CYP39A1: variants seen among roughly 807,000 people sequenced by gnomAD.
CYP39A1 encodes the protein 24-hydroxycholesterol 7-alpha-hydroxylase.
A neutral mutation model predicts 58.1 loss-of-function variants in CYP39A1; 49 were observed. The ratio of observed to expected loss-of-function variants is 0.84; its 90% CI spans 0.67 to 1.07. The LOEUF is 1.07. CYP39A1 is among the 50% of genes least tolerant of loss of function. The probability of loss-of-function intolerance (pLI) is 0.00; values close to 1 mark genes in which losing one functional copy is unlikely to be tolerated. For synonymous variants in CYP39A1, 209 were observed against 187.6 expected, an observed-to-expected ratio of 1.11 and a Z score of -0.93; for missense variants, 531 against 539.4, an observed-to-expected ratio of 0.98 and a Z score of 0.16.
chr6:46,598,718 T>A (rs989691556), intron 7 of CYP39A1, among the ~76,000 whole-genome samples: 66 of 152,168 alleles, frequency 4.3e-4, no homozygotes, highest in African/African-American at 1.6e-3. Flanking sequence ...TATAAGAAAT[T>A]TAAGTTTTGG....
At chr6:46,572,635 T>C (rs940428138) in intron 10 of CYP39A1, among the ~76,000 whole-genome samples, 1 of 152,220 alleles carries the variant, frequency 6.6e-6, no homozygotes, top group Non-Finnish European at 1.5e-5. Context: ...TAAGGTGTCA[T>C]GGTGAAGTTC....
intron 8 of CYP39A1, among the ~76,000 whole-genome samples, chr6:46,592,844 T>C (rs969101631): frequency 6.6e-6 from 1 of 152,064 alleles, no homozygotes; most frequent in Non-Finnish European, 1.5e-5. Context: ...TAATCTCAGC[T>C]ACTTGGGAGG....
chr6:46,641,345 C>T (rs1776324862), intron 2 of CYP39A1, among the ~76,000 whole-genome samples: 1 of 151,712 alleles, frequency 6.6e-6, no homozygotes, highest in Non-Finnish European at 1.5e-5. Context: ...ATCATGCATA[C>T]AAGAAGAAAA....
Position 46,652,637 on chromosome 6 carries a change from C to G in CYP39A1, c.-55G>C, listed in dbSNP as rs745442545. On this transcript the variant is annotated 5_prime_UTR_variant, in exon 1 of 12. Transcript: ENST00000275016. ...AAAGTGTGAAACAGTCCTGCCGTCC[C>G]TTGCTTCTTTTCTGTGGGCTACGGA... The G allele has an allele frequency of 1.4e-5, 20 of 1,479,380 alleles. No homozygotes were observed. Among genetic ancestry groups the G allele is most frequent in the Non-Finnish European group, 1.7e-5 (19 of 1,109,646 alleles). 91.6% of individuals were successfully genotyped at this position (1,479,380 alleles called of 1,614,324 possible).
intron 10 of CYP39A1, among the ~76,000 whole-genome samples, chr6:46,573,560 C>T (rs1363888190): frequency 1.3e-5 from 2 of 152,160 alleles, no homozygotes; most frequent in African/African-American, 4.8e-5. Flanking sequence ...CCAAAGGGAT[C>T]CTCTTGGTGC....
chr6:46,647,824 TG>T (rs1762421244), intron 1 of CYP39A1, among the ~76,000 whole-genome samples: 1 of 152,206 alleles, frequency 6.6e-6, no homozygotes, highest in Non-Finnish European at 1.5e-5. Flanking sequence ...TTGATGGGGT[TG>T]TTTTTTTCTT....
intron 6 of CYP39A1, among the ~76,000 whole-genome samples, chr6:46,626,173 C>T (rs992671283): frequency 1.3e-5 from 2 of 152,040 alleles, no homozygotes; most frequent in Admixed American, 6.6e-5. Context: ...GCCACTCAAA[C>T]TTATTTCATA....
intron 10 of CYP39A1, among the ~76,000 whole-genome samples, chr6:46,556,794 C>G (rs1400615447): frequency 6.6e-6 from 1 of 152,106 alleles, no homozygotes; most frequent in Non-Finnish European, 1.5e-5. Flanking sequence ...TACAACACAA[C>G]CCAGTATCCA....
At chr6:46,589,613 A>G (rs1772702030) in intron 8 of CYP39A1, among the ~76,000 whole-genome samples, 1 of 152,106 alleles carries the variant, frequency 6.6e-6, no homozygotes, top group Non-Finnish European at 1.5e-5. Context: ...GGAGAGACTC[A>G]AATCCAAGAC....
intron 10 of CYP39A1, among the ~76,000 whole-genome samples, chr6:46,557,933 C>CAAAAAAAAAAAAAAAAAAAA (rs1186594398): frequency 2.7e-5 from 1 of 37,638 alleles, no homozygotes; most frequent in African/African-American, 9.9e-5. Flanking sequence ...GACTCCATCT[C>CAAAAAAAAAAAAAAAAAAAA]AAAAAAAAAA....
chr6:46,652,665 C>T lies in CYP39A1; in HGVS notation c.-83G>A, dbSNP rs1232625590. The T allele has an allele frequency of 2.3e-6, 3 of 1,320,148 alleles. No individual in the cohort carries two copies. The African/African-American group carries it at 4.5e-5, about 20-fold the overall frequency. 81.8% of individuals were successfully genotyped at this position (1,320,148 alleles called of 1,614,324 possible). A position where few individuals can be genotyped will look rare whatever the true frequency, so the allele number is the denominator to read the frequency against. ...GCTTCTTTTCTGTGGGCTACGGAAC[C>T]TGTCGGGACTCCCAACCTTTCTGCT... On this transcript the variant is annotated 5_prime_UTR_variant, in exon 1 of 12. Coordinates refer to ENST00000275016, the MANE Select transcript of CYP39A1 (RefSeq NM_016593.5).
At chr6:46,568,315 T>C (rs1289075164) in intron 10 of CYP39A1, among the ~76,000 whole-genome samples, 7 of 152,136 alleles carry the variant, frequency 4.6e-5, no homozygotes, top group African/African-American at 1.7e-4. Flanking sequence ...TTATCAGATA[T>C]GTAATTTGCA....
intron 7 of CYP39A1, among the ~76,000 whole-genome samples, chr6:46,624,449 T>C (rs1299125839): frequency 6.6e-6 from 1 of 152,184 alleles, no homozygotes; most frequent in Non-Finnish European, 1.5e-5. Flanking sequence ...TGCTCACCAT[T>C]TCTATAAGGT....
intron 7 of CYP39A1, among the ~76,000 whole-genome samples, chr6:46,601,622 G>A (rs1337141936): frequency 6.6e-6 from 1 of 151,704 alleles, no homozygotes; most frequent in Non-Finnish European, 1.5e-5. Context: ...TACGTGTAAA[G>A]CGCTTACCAC....
intron 4 of CYP39A1, among the ~76,000 whole-genome samples, chr6:46,636,688 T>C (rs1156493582): frequency 6.6e-6 from 1 of 152,224 alleles, no homozygotes; most frequent in East Asian, 1.9e-4. Context: ...CATTTTAGTG[T>C]CTTTTGTAAA....
At chr6:46,636,234 T>C (rs909950419) in intron 5 of CYP39A1, among the ~76,000 whole-genome samples, 155 bp downstream of exon 5, 10 of 152,222 alleles carry the variant, frequency 6.6e-5, no homozygotes. Context: ...GTTGTGATGA[T>C]GTAACAGTGA....
intron 10 of CYP39A1, among the ~76,000 whole-genome samples, chr6:46,567,803 G>T (rs1378749382): frequency 1.3e-5 from 2 of 152,102 alleles, no homozygotes; most frequent in Admixed American, 6.6e-5. Flanking sequence ...ACAAAGAAAT[G>T]GTTAAGGTTT....
At chr6:46,641,015 A>G (rs985172117) in intron 2 of CYP39A1, among the ~76,000 whole-genome samples, 5 of 151,966 alleles carry the variant, frequency 3.3e-5, no homozygotes, top group African/African-American at 1.2e-4. Flanking sequence ...ATAGTATGCT[A>G]CTATACATCT....
At chr6:46,615,339 CAT>C (rs1561992908) in intron 7 of CYP39A1, among the ~76,000 whole-genome samples, 1 of 151,786 alleles carries the variant, frequency 6.6e-6, no homozygotes. Flanking sequence ...TATATATGCA[CAT>C]GTCTGTGTGT....
Sources: allele counts gnomAD v4.1 joint callset (sites outside exome capture counted in the v4.1 genomes callset), GRCh38; gene constraint gnomAD v4.1.1; transcripts MANE v1.5; gene names NCBI Gene and HGNC (gene_info 2026-07-23, HGNC 2026-07-21).